GRIN2A: variants seen among roughly 807,000 people sequenced by gnomAD.
GRIN2A encodes glutamate ionotropic receptor NMDA type subunit 2A, also known as glutamate receptor ionotropic, NMDA 2A.
A neutral mutation model predicts 113.4 loss-of-function variants in GRIN2A; 22 were observed. The observed-to-expected ratio is 0.19, with a 90% confidence interval of 0.14 to 0.28. GRIN2A has a LOEUF of 0.28. Among genes scored for constraint, GRIN2A ranks in the 10% least tolerant of loss-of-function variants. The probability of loss-of-function intolerance (pLI) is 1.00; values close to 1 mark genes in which losing one functional copy is unlikely to be tolerated. For missense variants in GRIN2A, 1,502 were observed against 1,887.0 expected, an observed-to-expected ratio of 0.80 and a Z score of 3.78; for synonymous variants, 827 against 738.4, an observed-to-expected ratio of 1.12 and a Z score of -1.94.
At chr16:10,070,470 G>T (rs1241911963) in intron 2 of GRIN2A, among the ~76,000 whole-genome samples, 2 of 152,160 alleles carry the variant, frequency 1.3e-5, no homozygotes, top group Non-Finnish European at 2.9e-5. Context: ...CAGCTCAGAA[G>T]CCAGCCATCT....
intron 2 of GRIN2A, among the ~76,000 whole-genome samples, chr16:10,109,024 AAAAAAAAAAAAC>A (rs1301536930): frequency 1.3e-5 from 2 of 150,042 alleles, no homozygotes; most frequent in African/African-American, 5.0e-5. Flanking sequence ...TAAAAAAAAA[AAAAAAAAAAAAC>A]AAAATTGATA....
intron 4 of GRIN2A, among the ~76,000 whole-genome samples, chr16:9,850,607 G>A (rs76463565): frequency 0.012 from 1,862 of 152,142 alleles, 56 homozygotes; most frequent in African/African-American, 0.043. Context: ...AAGAGGAGTG[G>A]GGGTTGAGAC....
chr16:10,161,726 C>T (rs2049813366), intron 2 of GRIN2A, among the ~76,000 whole-genome samples: 1 of 152,150 alleles, frequency 6.6e-6, no homozygotes, highest in African/African-American at 2.4e-5. Flanking sequence ...AAGCAGCTGG[C>T]AGGGTGGCAT....
chr16:10,111,765 T>G, intron 2 of GRIN2A: 2 of 1,500,490 alleles, frequency 1.3e-6, no homozygotes, highest in Non-Finnish European at 1.8e-6. Context: ...ACACTGTGGG[T>G]GATGTGCTGG....
Position 9,937,823 on chromosome 16 carries a change from A to C in GRIN2A, c.1007+136T>G, listed in dbSNP as rs1326747780. 3 of 692,436 alleles carry C rather than the reference A, an allele frequency of 4.3e-6. No homozygotes were observed. In the African/African-American group the frequency reaches 5.3e-5, roughly 12 times the overall value. 42.9% of individuals were successfully genotyped at this position (692,436 alleles called of 1,614,324 possible). A position where few individuals can be genotyped will look rare whatever the true frequency, so the allele number is the denominator to read the frequency against. ...ATGAAAGAAAGAGAGAGGAGAGCAA[A>C]ATAAAAGTCCCGTAAGTAAACACAT... is the stretch of plus-strand genomic sequence containing the variant. On this transcript the variant is annotated intron_variant, in intron 3 of 12. Transcript: ENST00000330684.
intron 4 of GRIN2A, among the ~76,000 whole-genome samples, chr16:9,858,608 A>T (rs2043008737): frequency 6.6e-6 from 1 of 152,228 alleles, no homozygotes; most frequent in Non-Finnish European, 1.5e-5. Flanking sequence ...TAAAAAGGGT[A>T]GATTAACTTT....
chr16:9,962,646 C>G (rs1268050721), intron 2 of GRIN2A, among the ~76,000 whole-genome samples: 1 of 152,112 alleles, frequency 6.6e-6, no homozygotes, highest in Non-Finnish European at 1.5e-5. Flanking sequence ...GAAATAGGAA[C>G]ATTTTTACAC....
At chr16:9,965,294 C>G (rs2141717352) in intron 2 of GRIN2A, among the ~76,000 whole-genome samples, 1 of 152,342 alleles carries the variant, frequency 6.6e-6, no homozygotes, top group African/African-American at 2.4e-5. Context: ...TCTAGTCTGA[C>G]TCACAAATGG....
intron 2 of GRIN2A, among the ~76,000 whole-genome samples, chr16:10,025,052 T>C (rs1245341791): frequency 6.6e-6 from 1 of 150,468 alleles, no homozygotes; most frequent in Admixed American, 6.6e-5. Context: ...GAGAGGATGA[T>C]GGAGAGAGGA....
intron 2 of GRIN2A, among the ~76,000 whole-genome samples, chr16:10,026,124 C>T (rs2046815542): frequency 6.6e-6 from 1 of 152,150 alleles, no homozygotes; most frequent in Non-Finnish European, 1.5e-5. Flanking sequence ...CATGAGGACA[C>T]AGAAAGGACT....
intron 2 of GRIN2A, among the ~76,000 whole-genome samples, chr16:9,949,817 A>C (rs1020376335): frequency 6.6e-6 from 1 of 152,088 alleles, no homozygotes; most frequent in Non-Finnish European, 1.5e-5. Flanking sequence ...AGTTGTGGGT[A>C]TAAGAGATTG....
chr16:9,961,174 A>G (rs977552972), intron 2 of GRIN2A, among the ~76,000 whole-genome samples: 1 of 152,192 alleles, frequency 6.6e-6, no homozygotes, highest in Non-Finnish European at 1.5e-5. Context: ...AGCCTCAACC[A>G]TGTACCAAGA....
chr16:9,827,847 T>A (rs771567650), intron 9 of GRIN2A, among the ~76,000 whole-genome samples: 25 of 152,202 alleles, frequency 1.6e-4, no homozygotes, highest in Admixed American at 1.2e-3. Context: ...AATAACTCTA[T>A]CAAAACTACA....
chr16:10,179,775 TC>T (rs1424718247), intron 2 of GRIN2A: 35 of 587,162 alleles, frequency 6.0e-5, no homozygotes, highest in African/African-American at 5.2e-4. Flanking sequence ...ACCAAAGTGC[TC>T]CTGTGTACAC....
chr16:9,924,743 G>A (rs1455657631), intron 3 of GRIN2A, among the ~76,000 whole-genome samples: 3 of 152,106 alleles, frequency 2.0e-5, no homozygotes, highest in African/African-American at 7.2e-5. Flanking sequence ...TTCATTTGGG[G>A]AAATTACTTT....
At chr16:10,042,170 T>C (rs1371816971) in intron 2 of GRIN2A, among the ~76,000 whole-genome samples, 3 of 152,208 alleles carry the variant, frequency 2.0e-5, no homozygotes. Flanking sequence ...TTTTAAAATA[T>C]GTCTGCAAAT....
intron 2 of GRIN2A, among the ~76,000 whole-genome samples, chr16:10,085,575 C>A (rs1401624041): frequency 6.6e-6 from 1 of 152,112 alleles, no homozygotes; most frequent in African/African-American, 2.4e-5. Context: ...GTGTGCAAAT[C>A]TTATCAGGAA....
At chr16:9,827,856 C>T (rs2042415212) in intron 9 of GRIN2A, among the ~76,000 whole-genome samples, 1 of 152,224 alleles carries the variant, frequency 6.6e-6, no homozygotes, top group African/African-American at 2.4e-5. Context: ...ATCAAAACTA[C>T]ATCCCTGAGG....
intron 2 of GRIN2A, among the ~76,000 whole-genome samples, chr16:10,133,778 C>A (rs1415661288): frequency 6.6e-6 from 1 of 152,100 alleles, no homozygotes; most frequent in Non-Finnish European, 1.5e-5. Context: ...ATTATCTGCT[C>A]CCCAGATGCA....
Sources: gnomAD v4.1 joint callset for allele counts (sites outside exome capture counted in the v4.1 genomes callset) on GRCh38, gnomAD v4.1.1 for gene constraint, MANE v1.5 for transcripts, NCBI Gene and HGNC (gene_info 2026-07-23, HGNC 2026-07-21) for gene names.